The following NIN variants were observed in gnomAD, a reference collection of about 807,000 sequenced individuals.
NIN encodes the protein glycogen synthase kinase 3 beta-interacting protein.
NIN carries 137 observed loss-of-function variants against 257.6 expected under a neutral mutation model. The ratio of observed to expected loss-of-function variants is 0.53; its 90% CI spans 0.46 to 0.61. The LOEUF is 0.61. NIN is among the 20% of genes least tolerant of loss of function. The pLI is 0.00. For missense variants in NIN, 2,439 were observed against 2,501.2 expected (o/e 0.98, Z 0.53); for synonymous variants, 918 against 919.8 (o/e 1.00, Z 0.04).
At chr14:50,782,273 T>G (rs2043164765) in intron 5 of NIN, among the ~76,000 whole-genome samples, 1 of 152,180 alleles carries the variant, frequency 6.6e-6, no homozygotes, top group African/African-American at 2.4e-5. Flanking sequence ...TCCAATAATT[T>G]CACTTGGTAT....
rs1336756226 is a variant in NIN, at chr14:50,771,479, G to C, written c.982-11C>G. On this transcript the variant is annotated splice_polypyrimidine_tract_variant and intron_variant, in intron 9 of 30. Coordinates refer to ENST00000530997, the MANE Select transcript of NIN (RefSeq NM_020921.4). ...GCTGAAATCCAAGGCCTAGAAATCA[G>C]AGCAAGGCGTAAATTCAAAAACAAA... 1.2e-6 allele frequency: 2 copies of C among 1,613,194 alleles called. No individual in the cohort carries two copies. Among genetic ancestry groups the C allele is most frequent in the African/African-American group, 2.7e-5 (2 of 74,890 alleles).
chr14:50,811,700 G>T (rs969653843), intron 3 of NIN, among the ~76,000 whole-genome samples: 1 of 151,624 alleles, frequency 6.6e-6, no homozygotes, highest in African/African-American at 2.4e-5. Context: ...AGGAGTTTGA[G>T]ACCAGCCTTA....
intron 27 of NIN, 127 bp from the exon 28 acceptor site, chr14:50,735,744 T>C (rs2040943434): frequency 5.7e-6 from 7 of 1,224,992 alleles, no homozygotes; most frequent in Non-Finnish European, 7.7e-6. Context: ...GTTAATTCAG[T>C]GACAAACAAA....
At chr14:50,782,718 T>A (rs2043183510) in intron 5 of NIN, among the ~76,000 whole-genome samples, 1 of 152,246 alleles carries the variant, frequency 6.6e-6, no homozygotes, top group Non-Finnish European at 1.5e-5. Flanking sequence ...TCTCACTAAA[T>A]TTATTTCCTG....
In NIN at chr14:50,721,727, G is replaced by A. The variant is rs1297100900; in HGVS notation, c.*1736C>T. ...ACTCTTTATCCAGGGGGAACTCAGG[G>A]CTTTCTGACAAGAGCTGTGCAAAAA... On this transcript the variant is annotated 3_prime_UTR_variant, in exon 31 of 31. Transcript: ENST00000530997. 1 of 220,428 alleles carries A rather than the reference G, an allele frequency of 4.5e-6. No homozygotes were observed. Among genetic ancestry groups the A allele is most frequent in the African/African-American group, 2.2e-5 (1 of 44,638 alleles). 13.7% of individuals were successfully genotyped at this position (220,428 alleles called of 1,614,324 possible).
At chr14:50,794,923 G>A (rs1325026088) in intron 4 of NIN, among the ~76,000 whole-genome samples, 1 of 152,160 alleles carries the variant, frequency 6.6e-6, no homozygotes, top group South Asian at 2.1e-4. Context: ...ATTCAAAACA[G>A]CTCTTTTTCT....
At chr14:50,732,955 C>T (rs1181060990) in intron 28 of NIN, among the ~76,000 whole-genome samples, 1 of 152,032 alleles carries the variant, frequency 6.6e-6, no homozygotes, top group Non-Finnish European at 1.5e-5. Context: ...GAACTCCCAA[C>T]ACTTTGGGAG....
At chr14:50,831,227 C>T (rs1230860461), upstream of NIN, 1 of 151,516 alleles carries the variant, frequency 6.6e-6, no homozygotes, top group Non-Finnish European at 1.5e-5. Context: ...CTCTGCGGCC[C>T]GCGCGGCTCA....
Position 50,721,899 on chromosome 14 carries a change from G to C in NIN, c.*1564C>G, listed in dbSNP as rs2040277399. On this transcript the variant is annotated 3_prime_UTR_variant, in exon 31 of 31. Transcript: ENST00000530997. ...GAAGTTCCCTGATGGAAATTATTTT[G>C]TTGAGATTGAGTTTCTGACATGATG... The C allele has an allele frequency of 8.9e-6, 2 of 225,266 alleles. No individual in the cohort carries two copies. The highest frequency in any genetic ancestry group is 1.8e-5 in the Non-Finnish European group (2 of 113,018). 14.0% of individuals were successfully genotyped at this position (225,266 alleles called of 1,614,324 possible).
intron 7 of NIN, among the ~76,000 whole-genome samples, chr14:50,775,400 A>G (rs1442937662): frequency 2.0e-5 from 3 of 152,222 alleles, no homozygotes; most frequent in Non-Finnish European, 4.4e-5. Flanking sequence ...AGCAGGGAAC[A>G]GCCACGATTT....
chr14:50,761,996 C>CTAAG, intron 15 of NIN, 85 bp from the exon 16 acceptor site: 1 of 1,424,088 alleles, frequency 7.0e-7, no homozygotes, highest in Non-Finnish European at 9.8e-7. Context: ...TCCAGTTTAA[C>CTAAG]TAAGGAATGA....
intron 1 of NIN, 128 bp from the exon 2 acceptor site, chr14:50,830,645 C>T (rs2045662897): frequency 6.0e-6 from 1 of 166,888 alleles, no homozygotes; most frequent in Admixed American, 6.5e-5. Flanking sequence ...GCGTCATTTC[C>T]ATATGTAAGG....
chr14:50,728,473 A>G lies in NIN; in HGVS notation c.6078+1050T>C, dbSNP rs77322914. Among the ~76,000 whole-genome samples the G allele has an allele frequency of 8.0e-3, 1,219 of 152,332 alleles. 18 individuals are homozygous for G. The highest frequency in any genetic ancestry group is 0.027 in the African/African-American group (1,132 of 41,584). ...AGTGGTAGGAGTACTTCGTAATTAA[A>G]CATAGATGGATAGTAGAAGAAACAG... On this transcript the variant is annotated intron_variant, in intron 29 of 30. Transcript: ENST00000530997.
rs1474387089 is a variant in NIN at position 50,757,983 on chromosome 14, T to C, written c.3047A>G (p.Gln1016Arg). 1.9e-6 allele frequency: 3 copies of C among 1,614,136 alleles called. No individual in the cohort carries two copies. Among genetic ancestry groups the C allele is most frequent in the Admixed American group, 3.3e-5 (2 of 60,012 alleles). ...CTGCTGCATTTCCTTTATTTTACTC[T>C]GAAGTCTGGAGATTTCTGTGCTCAT... is the stretch of plus-strand genomic sequence containing the variant. ...AEMSTEISRL[Q>R]SKIKEMQQAT... Residue 1016 changes from glutamine to arginine, a missense_variant, in exon 18 of 31, where the codon CAG becomes CGG. Physicochemically the swap from Gln to Arg is conservative, Grantham distance 43. Transcript: ENST00000530997.
chr14:50,754,529 A>C, intron 20 of NIN, 34 bp downstream of exon 20: 1 of 1,556,118 alleles, frequency 6.4e-7, no homozygotes, highest in Non-Finnish European at 8.7e-7. Context: ...TTTTGGAATC[A>C]AAAAACATTG....
intron 5 of NIN, among the ~76,000 whole-genome samples, chr14:50,782,335 C>T (rs1412472633): frequency 2.0e-5 from 3 of 152,070 alleles, no homozygotes; most frequent in South Asian, 4.2e-4. Flanking sequence ...TAAATATGTA[C>T]ATGATAGCAC....
chr14:50,795,893 C>T (rs753451638), intron 4 of NIN, among the ~76,000 whole-genome samples: 27 of 152,148 alleles, frequency 1.8e-4, no homozygotes, highest in Non-Finnish European at 3.5e-4. Flanking sequence ...GCAGGAGAAT[C>T]GGTTGAACCT....
chr14:50,735,524 G>A lies in NIN; in HGVS notation c.5869C>T (p.Leu1957Phe), dbSNP rs996775731. 1 of 1,612,910 alleles carries A rather than the reference G, an allele frequency of 6.2e-7. No individual in the cohort carries two copies. Among genetic ancestry groups the A allele is most frequent in the African/African-American group, 1.3e-5 (1 of 74,894 alleles). ...KKKQVKLDEQLMEMQHLRSTA... is the reference protein window; with the variant it reads ...KKKQVKLDEQFMEMQHLRSTA... ...TCTGCTGAGAAACTTACCTCCATGA[G>A]CTGCTCATCCAGTTTTACTTGTTTC... is the stretch of plus-strand genomic sequence containing the variant. The change falls in exon 28 of 31, where the codon CTC becomes TTC. Residue 1957 changes from leucine (L) to phenylalanine (F), a missense_variant. Leu to Phe is a conservative substitution (Grantham distance 22, BLOSUM62 0). Around this residue, in one of 3 missense-constraint regions of NIN, gnomAD observed 2,043 missense variants for 2,050.2 expected, o/e 1.00. Transcript: ENST00000530997.
At chr14:50,781,323 C>G (rs1158755167) in intron 5 of NIN, among the ~76,000 whole-genome samples, 1 of 151,964 alleles carries the variant, frequency 6.6e-6, no homozygotes, top group African/African-American at 2.4e-5. Context: ...TATCACTGGC[C>G]CCAAACCATA....
Sources: gnomAD v4.1 joint callset for allele counts (sites outside exome capture counted in the v4.1 genomes callset) on GRCh38, gnomAD v4.1.1 for gene constraint, gnomAD v4.1.1 regional missense constraint, MANE v1.5 for transcripts, NCBI Gene and HGNC (gene_info 2026-07-23, HGNC 2026-07-21) for gene names.